The following SMPD3 variants were observed in gnomAD, a reference collection of about 807,000 sequenced individuals.
The protein encoded by SMPD3 is sphingomyelin phosphodiesterase 3.
Under a neutral mutation model 55.7 loss-of-function variants are expected in SMPD3, and 21 were observed. The observed-to-expected ratio is 0.38, with a 90% CI of 0.27 to 0.54. SMPD3 has a LOEUF of 0.54. Ranked by LOEUF, SMPD3 falls within the 20% of genes least tolerant of loss-of-function variation. The probability of loss-of-function intolerance (pLI) is 0.80; values close to 1 mark genes in which losing one functional copy is unlikely to be tolerated. For synonymous variants in SMPD3, 457 were observed against 404.3 expected, an observed-to-expected ratio of 1.13 and a Z score of -1.56; for missense variants, 842 against 899.6, an observed-to-expected ratio of 0.94 and a Z score of 0.82.
chr16:68,365,097 G>C lies in SMPD3; in HGVS notation c.1324-5C>G, dbSNP rs2089437003. 3.1e-6 allele frequency: 5 copies of C among 1,613,868 alleles called. No homozygotes were observed. The East Asian group carries it at 1.1e-4, about 36-fold the overall frequency. On this transcript the variant is annotated splice_polypyrimidine_tract_variant and splice_region_variant and intron_variant, in intron 3 of 8. Coordinates refer to ENST00000219334, the MANE Select transcript of SMPD3 (RefSeq NM_018667.4). ...AGGTGTGCTTCCCACCTGCACCTGG[G>C]GGAGGAGGGGGTCAGTGCTGCCACC...
Position 68,371,897 on chromosome 16 carries a change from G to A in SMPD3, c.285C>T (p.Tyr95=), listed in dbSNP as rs1158499808. Residue 95 remains tyrosine, a synonymous_variant, in exon 3 of 9, where the codon TAC becomes TAT. Coordinates refer to ENST00000219334, the MANE Select transcript of SMPD3 (RefSeq NM_018667.4). ...CCTTGTCTTCCAGCCGTGAATAGAT[G>A]TAGGGCCGGCGGGCCGACTGCAGTG... ...WSPLQSARRP[Y]IYSRLEDKGL... 5 of 1,610,642 alleles carry A rather than the reference G, an allele frequency of 3.1e-6. No individual in the cohort carries two copies. The highest frequency in any genetic ancestry group is 4.2e-6 in the Non-Finnish European group (5 of 1,179,314).
At chr16:68,383,614 C>T (rs2089996020) in intron 2 of SMPD3, among the ~76,000 whole-genome samples, 1 of 152,094 alleles carries the variant, frequency 6.6e-6, no homozygotes, top group African/African-American at 2.4e-5. Context: ...AGAGCCCCTT[C>T]CCTGCCCACT....
Position 68,361,629 on chromosome 16 carries a change from C to G in SMPD3, c.1840G>C (p.Glu614Gln). 2.5e-6 allele frequency: 4 copies of G among 1,610,352 alleles called. No homozygotes were observed. Among genetic ancestry groups the G allele is most frequent in the Non-Finnish European group, 3.4e-6 (4 of 1,179,958 alleles). The change falls in exon 8 of 9, where the codon GAG becomes CAG. Residue 614 changes from glutamate to glutamine, a missense_variant. This residue lies in a region of SMPD3 where 649 missense variants were observed against 643.6 expected (regional missense o/e 1.01). Transcript: ENST00000219334. The stretch of plus-strand genomic sequence containing the variant: ...GCCTTCCAGTCTGGGCACAGCCCCT[C>G]CTCTGCATGCAGCATGTAGTCGATG... ...RRIDYMLHAE[E>Q]GLCPDWKAEV... is the part of the protein sequence containing the mutation.
At chr16:68,369,484 C>A (rs771759221) in intron 3 of SMPD3, 3 of 150,022 alleles carry the variant, frequency 2.0e-5, no homozygotes, top group Non-Finnish European at 3.0e-5. Context: ...GCCTCTGAGC[C>A]ACCTGTAGTA....
At chr16:68,372,452 C>A (rs556705513) in intron 2 of SMPD3, 65 bp from the exon 3 acceptor site, 2 of 517,434 alleles carry the variant, frequency 3.9e-6, no homozygotes, top group South Asian at 4.1e-5. Flanking sequence ...AGATATGGGG[C>A]CTTTGCCCCA....
chr16:68,363,370 C>A, intron 7 of SMPD3, 126 bp downstream of exon 7: 2 of 1,042,214 alleles, frequency 1.9e-6, no homozygotes, highest in South Asian at 2.7e-5. Flanking sequence ...AGATGAGGGA[C>A]AGGTTTCTGC....
rs1293915135 is a variant in SMPD3 at position 68,447,231 on chromosome 16, C to A, written c.-269+1122G>T. ...ACCGCGCGTCCTGGAAGCAGGTCCC[C>A]GAGCCTCGGTTTGGGGTGCGCCCTG... is the stretch of plus-strand genomic sequence containing the variant. On this transcript the variant is annotated intron_variant, in intron 1 of 8. Coordinates refer to ENST00000219334, the MANE Select transcript of SMPD3 (RefSeq NM_018667.4). This position sits in a 1 kb window ranked among gnomAD's most constrained non-coding sequence, Gnocchi z 5.1. 6.6e-6 allele frequency among the ~76,000 whole-genome samples: 1 copy of A among 152,290 alleles called. No individual in the cohort carries two copies. The highest frequency in any genetic ancestry group is 2.4e-5 in the African/African-American group (1 of 41,574).
intron 1 of SMPD3, among the ~76,000 whole-genome samples, chr16:68,403,668 A>G (rs975971829): frequency 6.6e-6 from 1 of 152,228 alleles, no homozygotes; most frequent in Non-Finnish European, 1.5e-5. Context: ...TTCCTAGCCT[A>G]ATCCTTTATG....
intron 3 of SMPD3, among the ~76,000 whole-genome samples, chr16:68,366,568 T>G (rs957483853): frequency 2.0e-5 from 3 of 152,184 alleles, no homozygotes; most frequent in African/African-American, 7.2e-5. Context: ...GCCGCCATGC[T>G]CAAAAGGCCA....
At chr16:68,393,508 G>A (rs1024509691) in intron 1 of SMPD3, among the ~76,000 whole-genome samples, 2 of 152,236 alleles carry the variant, frequency 1.3e-5, no homozygotes, top group African/African-American at 2.4e-5. Flanking sequence ...GGCAGTGGGG[G>A]TGGGTGAATG....
intron 1 of SMPD3, among the ~76,000 whole-genome samples, chr16:68,388,816 T>G (rs1230370755): frequency 2.6e-5 from 4 of 152,086 alleles, no homozygotes; most frequent in Non-Finnish European, 5.9e-5. Flanking sequence ...AAGAAACATG[T>G]CAGATCATTG....
chr16:68,430,772 C>A (rs565526881), intron 1 of SMPD3, among the ~76,000 whole-genome samples: 1 of 152,164 alleles, frequency 6.6e-6, no homozygotes, highest in Non-Finnish European at 1.5e-5. Flanking sequence ...TGGATCCATG[C>A]GTGTGATGGC....
chr16:68,432,557 C>T (rs2090488882), intron 1 of SMPD3, among the ~76,000 whole-genome samples: 1 of 152,144 alleles, frequency 6.6e-6, no homozygotes, highest in Non-Finnish European at 1.5e-5. Flanking sequence ...GGGCTAAGAA[C>T]CTCATCTCAT....
chr16:68,387,563 C>T (rs1196904983), intron 1 of SMPD3, among the ~76,000 whole-genome samples: 1 of 152,220 alleles, frequency 6.6e-6, no homozygotes. Context: ...AGTCCCAGGC[C>T]TTGTCCCTAC....
chr16:68,427,542 C>A (rs1388516662), intron 1 of SMPD3, among the ~76,000 whole-genome samples: 1 of 152,176 alleles, frequency 6.6e-6, no homozygotes, highest in Non-Finnish European at 1.5e-5. Context: ...TTATCAGGCA[C>A]TTGAAATGTG....
chr16:68,383,794 C>A (rs896154730), intron 2 of SMPD3, among the ~76,000 whole-genome samples: 2 of 152,202 alleles, frequency 1.3e-5, no homozygotes, highest in African/African-American at 2.4e-5. Context: ...CTCCTCCCCC[C>A]ACTTCCCCAC....
At chr16:68,407,167 C>T (rs554731277) in intron 1 of SMPD3, among the ~76,000 whole-genome samples, 109 of 152,210 alleles carry the variant, frequency 7.2e-4, no homozygotes, top group Non-Finnish European at 1.1e-3. Context: ...TACTGCTTAA[C>T]CATAAGTGTA....
intron 1 of SMPD3, among the ~76,000 whole-genome samples, chr16:68,399,546 C>T (rs1346386800): frequency 6.6e-6 from 1 of 152,200 alleles, no homozygotes; most frequent in African/African-American, 2.4e-5. Context: ...CTTCAAGAGC[C>T]AAGTGCCATC....
chr16:68,440,322 C>A (rs954514623), intron 1 of SMPD3, among the ~76,000 whole-genome samples: 2 of 152,174 alleles, frequency 1.3e-5, no homozygotes, highest in African/African-American at 4.8e-5. Flanking sequence ...TCAGCCTCCT[C>A]CTGAGTAGCT....
Sources: gnomAD v4.1 joint callset for allele counts (sites outside exome capture counted in the v4.1 genomes callset) on GRCh38, gnomAD v4.1.1 for gene constraint, gnomAD v4.1.1 regional missense constraint, Gnocchi (gnomAD v3.1) non-coding constraint, MANE v1.5 for transcripts, NCBI Gene and HGNC (gene_info 2026-07-23, HGNC 2026-07-21) for gene names.